LAMA3: variants seen among roughly 807,000 people sequenced by gnomAD.
The protein encoded by LAMA3 is laminin subunit alpha-3.
In LAMA3, 281 loss-of-function variants were observed where a neutral mutation model predicts 402.0. The ratio of observed to expected loss-of-function variants is 0.70; its 90% CI spans 0.63 to 0.77. The LOEUF is 0.77. Ranked by LOEUF, LAMA3 falls within the 30% of genes least tolerant of loss-of-function variation. The pLI, the probability that LAMA3 is intolerant of heterozygous loss-of-function variation, is 0.00. For missense variants in LAMA3, 3,840 were observed against 4,215.5 expected, an observed-to-expected ratio of 0.91 and a Z score of 2.47; for synonymous variants, 1,431 against 1,558.4, an observed-to-expected ratio of 0.92 and a Z score of 1.93.
intron 52 of LAMA3, among the ~76,000 whole-genome samples, 166 bp downstream of exon 52, chr18:23,905,790 A>G (rs1234235821): frequency 1.3e-5 from 2 of 152,130 alleles, no homozygotes; most frequent in Non-Finnish European, 2.9e-5. Flanking sequence ...TTTAATAGAG[A>G]TGGGGTCTCC....
intron 37 of LAMA3, 140 bp from the exon 38 acceptor site, chr18:23,871,291 G>C (rs2064509700): frequency 2.7e-6 from 2 of 732,870 alleles, no homozygotes; most frequent in Non-Finnish European, 4.8e-6. Context: ...CCAGGAGGCA[G>C]GTATTTCCCC....
intron 56 of LAMA3, 32 bp from the exon 57 acceptor site, chr18:23,914,378 T>G (rs199643695): frequency 6.2e-7 from 1 of 1,613,668 alleles, no homozygotes; most frequent in Admixed American, 1.7e-5. Context: ...AACCACAATG[T>G]GAAGTGTTCT....
At chr18:23,841,433 G>A (rs936081262) in intron 27 of LAMA3, among the ~76,000 whole-genome samples, 3 of 152,190 alleles carry the variant, frequency 2.0e-5, no homozygotes, top group Admixed American at 2.0e-4. Flanking sequence ...CATGGTGGGA[G>A]TGGAGGGAGG....
intron 36 of LAMA3, among the ~76,000 whole-genome samples, chr18:23,865,444 AGC>A (rs1247486491): frequency 2.6e-5 from 4 of 152,196 alleles, no homozygotes; most frequent in African/African-American, 9.7e-5. Context: ...CCACATATTA[AGC>A]ATTTTTTATG....
At chr18:23,850,457 T>A (rs542615987) in intron 32 of LAMA3, among the ~76,000 whole-genome samples, 1 of 152,234 alleles carries the variant, frequency 6.6e-6, no homozygotes, top group Non-Finnish European at 1.5e-5. Flanking sequence ...ACTGGGCAAG[T>A]CATTTTGTCT....
chr18:23,782,060 G>GA (rs978829732), intron 11 of LAMA3, among the ~76,000 whole-genome samples: 2 of 151,968 alleles, frequency 1.3e-5, no homozygotes, highest in Admixed American at 6.6e-5. Context: ...CGTTTTATTT[G>GA]AAAAATTAAG....
intron 42 of LAMA3, among the ~76,000 whole-genome samples, chr18:23,893,348 G>A (rs189809941): frequency 2.4e-4 from 36 of 152,246 alleles, no homozygotes; most frequent in African/African-American, 7.0e-4. Context: ...TGACCAGCAG[G>A]CTTTACTGTA....
In LAMA3 at chr18:23,950,179, C is replaced by G. The variant is rs1437974624; in HGVS notation, c.9642+20C>G. 1.2e-6 allele frequency: 2 copies of G among 1,613,702 alleles called. No individual in the cohort carries two copies. Among genetic ancestry groups the G allele is most frequent in the South Asian group, 2.2e-5 (2 of 91,046 alleles). On this transcript the variant is annotated intron_variant, in intron 72 of 74. Coordinates refer to ENST00000313654, the MANE Select transcript of LAMA3 (RefSeq NM_198129.4). ...GGAAAGGTGTGTAGCAGTCTGATGC[C>G]ATGGGGAGGGTCTGTAGAAACCAGC... is the stretch of plus-strand genomic sequence containing the variant.
intron 12 of LAMA3, among the ~76,000 whole-genome samples, chr18:23,795,720 A>AT (rs746022731): frequency 0.038 from 5,427 of 142,122 alleles, 241 homozygotes; most frequent in African/African-American, 0.12. Flanking sequence ...GGCTTAAAAT[A>AT]TATATATTTT....
chr18:23,827,559 A>G, intron 23 of LAMA3, 92 bp downstream of exon 23: 2 of 1,387,338 alleles, frequency 1.4e-6, no homozygotes, highest in Non-Finnish European at 2.0e-6. Context: ...TCTCAAATTC[A>G]GGGGAACCTG....
intron 19 of LAMA3, among the ~76,000 whole-genome samples, chr18:23,820,571 C>T (rs1203356812): frequency 6.6e-6 from 1 of 152,086 alleles, no homozygotes; most frequent in Non-Finnish European, 1.5e-5. Flanking sequence ...TCTATCTTGG[C>T]TTTGTATTAG....
At chr18:23,709,675 T>G (rs1324851314) in intron 1 of LAMA3, 1 of 396,946 alleles carries the variant, frequency 2.5e-6, no homozygotes, top group African/African-American at 2.1e-5. Context: ...CCTGTCCCAG[T>G]GATACTCATG....
intron 60 of LAMA3, among the ~76,000 whole-genome samples, chr18:23,920,545 A>C (rs1308411332): frequency 6.6e-6 from 1 of 152,186 alleles, no homozygotes; most frequent in Non-Finnish European, 1.5e-5. Flanking sequence ...CAGTCAGAAA[A>C]CAGATGGTGG....
chr18:23,820,085 T>G, intron 19 of LAMA3, 88 bp downstream of exon 19: 1 of 1,307,022 alleles, frequency 7.7e-7, no homozygotes, highest in Non-Finnish European at 1.1e-6. Context: ...AAAGGTGACC[T>G]GTCCCCAGAA....
chr18:23,954,325 C>T (rs1159826190), intron 74 of LAMA3, among the ~76,000 whole-genome samples, 178 bp from the exon 75 acceptor site: 1 of 150,566 alleles, frequency 6.6e-6, no homozygotes, highest in African/African-American at 2.4e-5. Context: ...TTGTGTGAGC[C>T]CAGGAATCCC....
At chr18:23,771,502 A>G (rs996340473) in intron 8 of LAMA3, among the ~76,000 whole-genome samples, 4 of 152,200 alleles carry the variant, frequency 2.6e-5, no homozygotes, top group Non-Finnish European at 4.4e-5. Flanking sequence ...AGATGTATGC[A>G]TTTGTCTTGA....
intron 42 of LAMA3, among the ~76,000 whole-genome samples, chr18:23,893,275 A>G (rs73400337): frequency 0.036 from 5,529 of 152,246 alleles, 334 homozygotes; most frequent in African/African-American, 0.13. Context: ...AGGACATGTC[A>G]ATGTCAGAAT....
At chr18:23,751,175 C>A (rs542307861) in intron 5 of LAMA3, 87 bp downstream of exon 5, 8 of 1,234,298 alleles carry the variant, frequency 6.5e-6, no homozygotes, top group East Asian at 2.3e-5. Flanking sequence ...TTTTAAGTAA[C>A]CTTTATAGCC....
At position 23,813,076 on chromosome 18, in the gene LAMA3, C is replaced by T; in HGVS notation, c.1761C>T (p.Asp587=). ...PHCQGSSSAC[D]PAGTINSNLG... ...ATTCAGGTTCCAGCAGTGCTTGTGA[C>T]CCAGCTGGTACCATCAACTCCAATT... The change falls in exon 14 of 75, where the codon GAC becomes GAT. Residue 587 remains aspartate (D), a synonymous_variant. Transcript: ENST00000313654. 1 of 1,609,808 alleles carries T rather than the reference C, an allele frequency of 6.2e-7. No homozygotes were observed.
Sources: gnomAD v4.1 joint callset for allele counts (sites outside exome capture counted in the v4.1 genomes callset) on GRCh38, gnomAD v4.1.1 for gene constraint, MANE v1.5 for transcripts, NCBI Gene and HGNC (gene_info 2026-07-23, HGNC 2026-07-21) for gene names.